The following CPQ variants were observed in gnomAD, a reference collection of about 807,000 sequenced individuals.
The protein encoded by CPQ is Ser-Met dipeptidase.
A neutral mutation model predicts 45.7 loss-of-function variants in CPQ; 37 were observed. That is an observed-to-expected ratio of 0.81 (90% CI 0.62 to 1.07). The LOEUF is 1.07. Ranked by LOEUF, CPQ falls within the 50% of genes least tolerant of loss-of-function variation. The probability of loss-of-function intolerance (pLI) is 0.00; values close to 1 mark genes in which losing one functional copy is unlikely to be tolerated. For synonymous variants in CPQ, 186 were observed against 205.8 expected (o/e 0.90, Z 0.82); for missense variants, 537 against 572.9 (o/e 0.94, Z 0.64).
intron 6 of CPQ, among the ~76,000 whole-genome samples, chr8:97,044,154 C>G (rs914164640): frequency 6.6e-6 from 1 of 152,208 alleles, no homozygotes; most frequent in African/African-American, 2.4e-5. Context: ...TTCACATAGT[C>G]CCCTATTTCT....
chr8:96,778,971 A>G (rs1810650453), intron 1 of CPQ, among the ~76,000 whole-genome samples: 1 of 151,520 alleles, frequency 6.6e-6, no homozygotes. Context: ...AGGCATAGGC[A>G]GGAGAATTGC....
intron 1 of CPQ, among the ~76,000 whole-genome samples, chr8:96,649,522 A>C (rs1319689692): frequency 6.6e-6 from 1 of 152,214 alleles, no homozygotes; most frequent in Non-Finnish European, 1.5e-5. Flanking sequence ...GATATGGGAA[A>C]TATGTTTGAA....
At chr8:96,888,895 A>G (rs1812337692) in intron 4 of CPQ, among the ~76,000 whole-genome samples, 1 of 152,156 alleles carries the variant, frequency 6.6e-6, no homozygotes, top group South Asian at 2.1e-4. Flanking sequence ...CTTATTGGGT[A>G]TTGGTATGTG....
At chr8:97,020,163 A>T (rs1809653175) in intron 5 of CPQ, among the ~76,000 whole-genome samples, 1 of 152,176 alleles carries the variant, frequency 6.6e-6, no homozygotes, top group African/African-American at 2.4e-5. Flanking sequence ...GAAAATTAAA[A>T]AATTCTTTGA....
At chr8:96,974,401 T>C (rs1813740195) in intron 5 of CPQ, among the ~76,000 whole-genome samples, 1 of 152,258 alleles carries the variant, frequency 6.6e-6, no homozygotes, top group South Asian at 2.1e-4. Context: ...AGTAGTGAGA[T>C]AGACAGCAAC....
intron 1 of CPQ, among the ~76,000 whole-genome samples, chr8:96,726,779 G>A (rs1230806125): frequency 1.3e-5 from 2 of 152,114 alleles, no homozygotes; most frequent in East Asian, 3.9e-4. Context: ...GGGACTGGTG[G>A]CTTTTTGAGA....
At chr8:96,944,533 A>G (rs1442019734) in intron 4 of CPQ, among the ~76,000 whole-genome samples, 2 of 152,224 alleles carry the variant, frequency 1.3e-5, no homozygotes, top group Non-Finnish European at 2.9e-5. Flanking sequence ...GGACTGGTAC[A>G]AAATTTCCTG....
At chr8:97,097,816 G>A (rs1811234500) in intron 7 of CPQ, among the ~76,000 whole-genome samples, 2 of 152,088 alleles carry the variant, frequency 1.3e-5, no homozygotes, top group Admixed American at 6.6e-5. Flanking sequence ...GAGAGAGAGA[G>A]AGAGAGAAAG....
chr8:96,992,803 A>G (rs1240778108), intron 5 of CPQ, among the ~76,000 whole-genome samples: 2 of 152,228 alleles, frequency 1.3e-5, no homozygotes, highest in Non-Finnish European at 2.9e-5. Context: ...ATTAGACTTC[A>G]GTCCTGTAAT....
At chr8:96,931,340 G>T (rs1380576660) in intron 4 of CPQ, among the ~76,000 whole-genome samples, 3 of 152,046 alleles carry the variant, frequency 2.0e-5, no homozygotes, top group Non-Finnish European at 4.4e-5. Flanking sequence ...AAGAAGTTTT[G>T]GCAAAAAATG....
intron 1 of CPQ, among the ~76,000 whole-genome samples, chr8:96,737,355 G>GAGATATATATATATATATATATAT (rs1554561433): frequency 4.2e-5 from 5 of 117,996 alleles, no homozygotes; most frequent in Admixed American, 9.3e-5. Flanking sequence ...ACTAATAGGA[G>GAGATATATATATATATATATATAT]ATATATATAT....
At chr8:96,685,412 GTT>G (rs1563702228) in intron 1 of CPQ, among the ~76,000 whole-genome samples, 1 of 151,844 alleles carries the variant, frequency 6.6e-6, no homozygotes, top group Non-Finnish European at 1.5e-5. Flanking sequence ...TGTAAGGTGT[GTT>G]ATATATATCT....
intron 5 of CPQ, among the ~76,000 whole-genome samples, chr8:96,980,324 G>T (rs1422497314): frequency 6.6e-6 from 1 of 152,026 alleles, no homozygotes; most frequent in African/African-American, 2.4e-5. Flanking sequence ...GTAGAGACGG[G>T]GTTTCACCCT....
At chr8:97,118,335 G>A (rs1482415394) in intron 7 of CPQ, among the ~76,000 whole-genome samples, 1 of 151,990 alleles carries the variant, frequency 6.6e-6, no homozygotes, top group African/African-American at 2.4e-5. Context: ...GTCAGTAATA[G>A]GTCACTGACC....
intron 1 of CPQ, among the ~76,000 whole-genome samples, chr8:96,655,267 C>CT (rs1483121203): frequency 6.6e-6 from 1 of 151,952 alleles, no homozygotes; most frequent in Non-Finnish European, 1.5e-5. Context: ...CTTTTCCATT[C>CT]TTTTTTCTTT....
In CPQ at chr8:96,967,089, C is replaced by T. The variant is rs534717934; in HGVS notation, c.961+1043C>T. On this transcript the variant is annotated intron_variant, in intron 5 of 7. Transcript: ENST00000220763. The stretch of plus-strand genomic sequence containing the variant: ...CTGGGAGACGCTATGTTAATTCTCT[C>T]CTCCTCTTCTCTTAAAAATATTCCC... Among the ~76,000 whole-genome samples the T allele has an allele frequency of 9.9e-4, 150 of 152,282 alleles. 1 individual carries two copies. The highest frequency in any genetic ancestry group is 3.4e-3 in the African/African-American group (143 of 41,582).
At chr8:96,648,680 G>A (rs1403883299) in intron 1 of CPQ, among the ~76,000 whole-genome samples, 1 of 152,158 alleles carries the variant, frequency 6.6e-6, no homozygotes, top group African/African-American at 2.4e-5. Context: ...GGAAGTAGTG[G>A]CCACTCACTC....
intron 3 of CPQ, among the ~76,000 whole-genome samples, chr8:96,854,337 C>T (rs1198304170): frequency 1.3e-5 from 2 of 150,866 alleles, no homozygotes; most frequent in African/African-American, 4.9e-5. Context: ...CGAGACCATC[C>T]CGGCTAAAAC....
At chr8:97,048,837 T>TTCTA (rs1287524543) in intron 6 of CPQ, among the ~76,000 whole-genome samples, 1 of 152,208 alleles carries the variant, frequency 6.6e-6, no homozygotes, top group Non-Finnish European at 1.5e-5. Context: ...GCAGAAAGAT[T>TTCTA]TCTATCTTCT....
Sources: gnomAD v4.1 joint callset for allele counts (sites outside exome capture counted in the v4.1 genomes callset) on GRCh38, gnomAD v4.1.1 for gene constraint, MANE v1.5 for transcripts, NCBI Gene and HGNC (gene_info 2026-07-23, HGNC 2026-07-21) for gene names.